Variants in KCNMA1 observed in about 807,000 individuals in gnomAD.
KCNMA1 encodes potassium calcium-activated channel subfamily M alpha 1, also known as Calcium-activated potassium channel subunit alpha-1.
In KCNMA1, 29 loss-of-function variants were observed where a neutral mutation model predicts 140.0. The ratio of observed to expected loss-of-function variants is 0.21; its 90% confidence interval spans 0.15 to 0.28. KCNMA1 has a LOEUF of 0.28. KCNMA1 is among the 10% of genes least tolerant of loss of function. The pLI is 1.00. For missense variants in KCNMA1, 880 were observed against 1,602.2 expected (o/e 0.55, Z 7.70); for synonymous variants, 612 against 611.9 (o/e 1.00, Z 0.00).
chr10:77,624,575 C>T (rs2092170330), intron 1 of KCNMA1, among the ~76,000 whole-genome samples: 1 of 152,024 alleles, frequency 6.6e-6, no homozygotes. Context: ...GATTCACTGC[C>T]CTCAATAACT....
chr10:77,603,046 T>C (rs2083177379), intron 1 of KCNMA1, among the ~76,000 whole-genome samples: 1 of 152,160 alleles, frequency 6.6e-6, no homozygotes, highest in African/African-American at 2.4e-5. Context: ...TATGTTCCTC[T>C]GAGCTGTGTG....
intron 5 of KCNMA1, among the ~76,000 whole-genome samples, chr10:77,151,117 C>T (rs2098408296): frequency 6.6e-6 from 1 of 151,364 alleles, no homozygotes; most frequent in Admixed American, 6.6e-5. Flanking sequence ...TCTTCTCTCT[C>T]TCTTCTCTTC....
intron 23 of KCNMA1, 93 bp from the exon 24 acceptor site, chr10:76,915,142 T>C: frequency 2.5e-6 from 2 of 810,900 alleles, no homozygotes; most frequent in Non-Finnish European, 4.3e-6. Flanking sequence ...ACCCCAAAAA[T>C]GTAGCTTATG....
intron 9 of KCNMA1, among the ~76,000 whole-genome samples, chr10:77,094,877 T>C (rs1271202238): frequency 6.6e-6 from 1 of 151,566 alleles, no homozygotes; most frequent in African/African-American, 2.4e-5. Context: ...TTTCTTTTGG[T>C]TTTTGTAGAG....
Position 76,891,575 on chromosome 10 carries a change from A to G in KCNMA1, c.3292T>C (p.Cys1098Arg). The G allele has an allele frequency of 6.2e-7, 1 of 1,613,950 alleles. No individual in the cohort carries two copies. Among genetic ancestry groups the G allele is most frequent in the Non-Finnish European group, 8.5e-7 (1 of 1,180,008 alleles). The stretch of plus-strand genomic sequence containing the variant: ...AGCAGAGCTAACTGGGCCACGCGGC[A>G]GCGGTCCCTATTGGCCAGTGTCTGC... The part of the protein sequence containing the change: ...TPQTLANRDR[C>R]RVAQLALLDG... Residue 1098 changes from cysteine to arginine, a missense_variant, in exon 26 of 28, where the codon TGC (cysteine) becomes CGC (arginine). Coordinates refer to ENST00000286628, the MANE Select transcript of KCNMA1 (RefSeq NM_001161352.2).
chr10:76,922,997 C>T (rs1382680373), intron 23 of KCNMA1, among the ~76,000 whole-genome samples: 1 of 152,200 alleles, frequency 6.6e-6, no homozygotes, highest in African/African-American at 2.4e-5. Context: ...TTTCTATTTA[C>T]AGTAACTAAC....
intron 1 of KCNMA1, among the ~76,000 whole-genome samples, chr10:77,576,296 G>C (rs972258078): frequency 6.6e-6 from 1 of 152,156 alleles, no homozygotes; most frequent in Non-Finnish European, 1.5e-5. Context: ...TCCACTCTGA[G>C]AGACTTGCTC....
At chr10:77,376,291 C>G (rs759640173) in intron 2 of KCNMA1, 1 of 152,212 alleles carries the variant, frequency 6.6e-6, no homozygotes, top group Non-Finnish European at 1.5e-5. Flanking sequence ...CTCTGTAGAC[C>G]TTCTCCACCA....
At chr10:77,500,989 C>G (rs762390090) in intron 1 of KCNMA1, among the ~76,000 whole-genome samples, 1 of 152,168 alleles carries the variant, frequency 6.6e-6, no homozygotes, top group African/African-American at 2.4e-5. Context: ...CAGACCTGAC[C>G]GAAATCAGAA....
intron 19 of KCNMA1, among the ~76,000 whole-genome samples, chr10:76,998,224 T>G (rs2085024249): frequency 6.6e-6 from 1 of 152,126 alleles, no homozygotes; most frequent in Non-Finnish European, 1.5e-5. Context: ...TTTTAATATA[T>G]TACCATTCCT....
intron 3 of KCNMA1, among the ~76,000 whole-genome samples, chr10:77,213,345 G>A (rs924840145): frequency 2.0e-5 from 3 of 152,056 alleles, no homozygotes; most frequent in Admixed American, 2.0e-4. Flanking sequence ...ATACTCCACA[G>A]GAATCAAAGG....
At chr10:77,541,082 A>T (rs536832618) in intron 1 of KCNMA1, among the ~76,000 whole-genome samples, 1 of 152,302 alleles carries the variant, frequency 6.6e-6, no homozygotes, top group South Asian at 2.1e-4. Flanking sequence ...AAAAAAGAAG[A>T]AATATGGAAC....
intron 15 of KCNMA1, among the ~76,000 whole-genome samples, chr10:77,030,179 T>C (rs895811821): frequency 6.6e-6 from 1 of 152,162 alleles, no homozygotes; most frequent in African/African-American, 2.4e-5. Flanking sequence ...TCCTGGTGAT[T>C]TGCAGGTTTT....
chr10:77,084,812 C>G, intron 11 of KCNMA1, 93 bp from the exon 12 acceptor site: 2 of 851,302 alleles, frequency 2.3e-6, no homozygotes, highest in Middle Eastern at 2.2e-4. Context: ...CTTGGGGAAG[C>G]TTTGCAAAGA....
chr10:77,528,524 C>T (rs530216479), intron 1 of KCNMA1, among the ~76,000 whole-genome samples: 1 of 151,440 alleles, frequency 6.6e-6, no homozygotes, highest in African/African-American at 2.4e-5. Flanking sequence ...GCAGGAGAAT[C>T]GCTTGAACCA....
chr10:76,874,229 T>G (rs1352105386), downstream of KCNMA1: 3 of 152,216 alleles, frequency 2.0e-5, no homozygotes, highest in Non-Finnish European at 4.4e-5. Context: ...AACCTACCTA[T>G]TCTATGTCCA....
intron 1 of KCNMA1, among the ~76,000 whole-genome samples, chr10:77,518,526 C>T (rs933289020): frequency 1.3e-5 from 2 of 152,176 alleles, no homozygotes; most frequent in African/African-American, 4.8e-5. Context: ...AGGGGCTGCT[C>T]AGAAATCTAG....
chr10:76,902,439 G>A (rs1318741090), intron 25 of KCNMA1: 1 of 152,192 alleles, frequency 6.6e-6, no homozygotes, highest in Non-Finnish European at 1.5e-5. Flanking sequence ...CTCCAACTCT[G>A]GCAGGGTTAG....
At chr10:76,892,098 C>A (rs1001819633) in intron 25 of KCNMA1, among the ~76,000 whole-genome samples, 1 of 152,166 alleles carries the variant, frequency 6.6e-6, no homozygotes, top group African/African-American at 2.4e-5. Context: ...CCTGCCCCAG[C>A]TACTAACCCA....
Sources: allele counts gnomAD v4.1 joint callset (sites outside exome capture counted in the v4.1 genomes callset), GRCh38; gene constraint gnomAD v4.1.1; transcripts MANE v1.5; gene names NCBI Gene and HGNC (gene_info 2026-07-23, HGNC 2026-07-21).